The following LINGO1 variants were observed in gnomAD, a reference collection of about 807,000 sequenced individuals.
The protein encoded by LINGO1 is leucine-rich repeat and immunoglobulin-like domain-containing nogo receptor-interacting protein 1.
In LINGO1, 11 loss-of-function variants were observed where a neutral mutation model predicts 37.3. The ratio of observed to expected loss-of-function variants is 0.29; its 90% CI spans 0.19 to 0.49. The LOEUF (loss-of-function observed/expected upper bound fraction) is 0.49, where lower values mean the gene tolerates loss of function less well. LINGO1 is among the 20% of genes least tolerant of loss of function. LINGO1 has a pLI of 0.99. For synonymous variants in LINGO1, 387 were observed against 403.0 expected, an observed-to-expected ratio of 0.96 and a Z score of 0.48; for missense variants, 585 against 878.2, an observed-to-expected ratio of 0.67 and a Z score of 4.22.
upstream of LINGO1, among the ~76,000 whole-genome samples, chr15:77,701,268 C>T (rs2075779102): frequency 2.6e-5 from 4 of 152,232 alleles, no homozygotes; most frequent in South Asian, 4.1e-4. Context: ...GGGAACCCTT[C>T]CTGGCTCTCC....
At chr15:77,753,721 G>C (rs565490440) in intron 1 of LINGO1, among the ~76,000 whole-genome samples, 95 of 152,322 alleles carry the variant, frequency 6.2e-4, no homozygotes, top group African/African-American at 2.2e-3. Context: ...ACGGTCTGAG[G>C]GAGGAGAGGG....
intron 1 of LINGO1, among the ~76,000 whole-genome samples, chr15:77,695,699 C>T (rs961440559): frequency 1.3e-5 from 2 of 152,066 alleles, no homozygotes; most frequent in Non-Finnish European, 2.9e-5. Context: ...CCTCCCCCTG[C>T]CCCAGCCTGG....
At chr15:77,745,524 G>A (rs1301425499) in intron 1 of LINGO1, among the ~76,000 whole-genome samples, 2 of 152,090 alleles carry the variant, frequency 1.3e-5, no homozygotes, top group Non-Finnish European at 2.9e-5. Context: ...CAACCTGGCG[G>A]CTCTGCCCAC....
At position 77,615,014 on chromosome 15, in the gene LINGO1, G is replaced by A; in HGVS notation, c.893C>T (p.Pro298Leu). 1 of 1,614,062 alleles carries A rather than the reference G, an allele frequency of 6.2e-7. No individual in the cohort carries two copies. The highest frequency in any genetic ancestry group is 8.5e-7 in the Non-Finnish European group (1 of 1,179,910). Residue 298 changes from proline (P) to leucine (L), a missense_variant, in exon 2 of 2, where the codon CCC becomes CTC. By Grantham distance (98) the Pro-to-Leu change is moderately conservative. Around this residue, in one of 4 missense-constraint regions of LINGO1, gnomAD observed 484 missense variants for 735.0 expected, o/e 0.66. Transcript: ENST00000355300. Reference sequence around the variant, plus strand: ...CATGGAGCCCTCAATGGTGCTGATGGGGTTGTAGGAGAGGTTGAGGAAGCG... The same window carrying A: ...CATGGAGCCCTCAATGGTGCTGATGAGGTTGTAGGAGAGGTTGAGGAAGCG... The part of the protein sequence containing the change: ...YLRFLNLSYN[P>L]ISTIEGSMLH...
At chr15:77,735,313 G>A (rs999869247) in intron 1 of LINGO1, among the ~76,000 whole-genome samples, 1 of 152,176 alleles carries the variant, frequency 6.6e-6, no homozygotes, top group Non-Finnish European at 1.5e-5. Context: ...TCAGGCACCC[G>A]CACAGCCCCG....
chr15:77,682,295 T>C (rs982270002), intron 2 of LINGO1, among the ~76,000 whole-genome samples: 3 of 151,814 alleles, frequency 2.0e-5, no homozygotes, highest in Admixed American at 1.3e-4. Context: ...TGTGTGTGTG[T>C]GTGTGTGTGT....
chr15:77,785,585 C>A (rs1414713767), intron 1 of LINGO1, among the ~76,000 whole-genome samples: 1 of 152,112 alleles, frequency 6.6e-6, no homozygotes, highest in Non-Finnish European at 1.5e-5. Flanking sequence ...CCGACCAGGG[C>A]TCCAGGGCTG....
At chr15:77,636,335 T>A (rs1018392954), upstream of LINGO1, among the ~76,000 whole-genome samples, 1 of 152,226 alleles carries the variant, frequency 6.6e-6, no homozygotes, top group East Asian at 1.9e-4. Context: ...TCCCAGCAGC[T>A]CGCAGGGTTT....
At chr15:77,636,765 A>G (rs936450562), upstream of LINGO1, among the ~76,000 whole-genome samples, 1 of 152,132 alleles carries the variant, frequency 6.6e-6, no homozygotes, top group Admixed American at 6.5e-5. Flanking sequence ...GGTGGGGGCC[A>G]TGTAGCCTCC....
At chr15:77,725,050 G>A (rs577912615) in intron 2 of LINGO1, among the ~76,000 whole-genome samples, 144 of 152,318 alleles carry the variant, frequency 9.5e-4, no homozygotes, top group African/African-American at 3.3e-3. Flanking sequence ...AGGACCTCAC[G>A]CCCATACCCA....
At chr15:77,733,247 G>A (rs1040708177) in intron 2 of LINGO1, among the ~76,000 whole-genome samples, 2 of 152,218 alleles carry the variant, frequency 1.3e-5, no homozygotes, top group African/African-American at 4.8e-5. Context: ...GGCACACTCC[G>A]AGCAGAGGGG....
intron 1 of LINGO1, among the ~76,000 whole-genome samples, chr15:77,754,046 AG>A (rs2076396211): frequency 6.6e-6 from 1 of 152,034 alleles, no homozygotes; most frequent in Non-Finnish European, 1.5e-5. Context: ...GTGGAAAAGC[AG>A]GAAACAGGCC....
intron 3 of LINGO1, among the ~76,000 whole-genome samples, chr15:77,669,971 C>T (rs2075219562): frequency 6.6e-6 from 1 of 152,074 alleles, no homozygotes; most frequent in Non-Finnish European, 1.5e-5. Context: ...ACTATATAAA[C>T]AAAATGTGTG....
At chr15:77,695,490 C>T (rs919794559) in intron 1 of LINGO1, among the ~76,000 whole-genome samples, 3 of 152,220 alleles carry the variant, frequency 2.0e-5, no homozygotes, top group Non-Finnish European at 4.4e-5. Flanking sequence ...CAGATCTAGC[C>T]ACTAGTGTTC....
At chr15:77,771,726 C>A (rs748479116) in intron 1 of LINGO1, among the ~76,000 whole-genome samples, 4 of 152,104 alleles carry the variant, frequency 2.6e-5, no homozygotes, top group Non-Finnish European at 5.9e-5. Flanking sequence ...TCTGGGAACT[C>A]CAGAAGCCTT....
chr15:77,631,195 G>A (rs974744108), intron 1 of LINGO1, among the ~76,000 whole-genome samples: 3 of 152,210 alleles, frequency 2.0e-5, no homozygotes, highest in African/African-American at 7.2e-5. Flanking sequence ...CCAGAGCCGC[G>A]GGCCAGGCTG....
chr15:77,813,656 C>T (rs1027213218), intron 1 of LINGO1, among the ~76,000 whole-genome samples: 1 of 152,192 alleles, frequency 6.6e-6, no homozygotes, highest in Non-Finnish European at 1.5e-5. Flanking sequence ...GATCATAGAT[C>T]ATCAAATTGC....
intron 1 of LINGO1, among the ~76,000 whole-genome samples, chr15:77,810,337 CA>C (rs2076995444): frequency 6.7e-6 from 1 of 149,386 alleles, no homozygotes; most frequent in Admixed American, 6.6e-5. Context: ...CATGCACACA[CA>C]CACACATGCA....
rs373855247 is a variant in LINGO1 at position 77,814,008 on chromosome 15, A to G, written c.-458+6250T>C. Among the ~76,000 whole-genome samples the G allele has an allele frequency of 3.3e-5, 5 of 151,498 alleles. No individual in the cohort carries two copies. The South Asian group carries it at 8.4e-4, about 25-fold the overall frequency. The stretch of plus-strand genomic sequence containing the variant: ...TCCTGCCCCCTAGGAAGCCCCCCCA[A>G]TCTCAGCCCCTCCCTGTGCTGGGGC... On this transcript the variant is annotated intron_variant, in intron 1 of 5. Coordinates refer to the LINGO1 transcript ENST00000562933.
Sources: gnomAD v4.1 joint callset for allele counts (sites outside exome capture counted in the v4.1 genomes callset) on GRCh38, gnomAD v4.1.1 for gene constraint, gnomAD v4.1.1 regional missense constraint, MANE v1.5 for transcripts, NCBI Gene and HGNC (gene_info 2026-07-23, HGNC 2026-07-21) for gene names.